The following COL4A6 variants were observed in gnomAD, a reference collection of about 807,000 sequenced individuals.
COL4A6 encodes collagen alpha-6(IV) chain.
Under a neutral mutation model 126.7 loss-of-function variants are expected in COL4A6, and 59 were observed. That is an observed-to-expected ratio of 0.47 (90% confidence interval 0.38 to 0.58). The LOEUF is 0.58. Among genes scored for constraint, COL4A6 ranks in the 20% least tolerant of loss-of-function variants. The probability of loss-of-function intolerance (pLI) is 0.00; values close to 1 mark genes in which losing one functional copy is unlikely to be tolerated. For synonymous variants in COL4A6, 547 were observed against 496.6 expected, an observed-to-expected ratio of 1.10 and a Z score of -1.35; for missense variants, 1,285 against 1,337.3, an observed-to-expected ratio of 0.96 and a Z score of 0.61.
intron 3 of COL4A6, among the ~76,000 whole-genome samples, chrX:108,266,000 C>T (rs1354530652): frequency 1.8e-5 from 2 of 111,583 alleles, no homozygotes; most frequent in Non-Finnish European, 3.8e-5. Context: ...ACTATAGAGG[C>T]AAAGGTGAGC....
At position 108,193,440 on chromosome X, in the gene COL4A6, C is replaced by T. The variant is rs756819032; in HGVS notation, c.1072+188G>A. Among the ~76,000 whole-genome samples, 6 of 111,463 alleles carry T rather than the reference C, an allele frequency of 5.4e-5. No individual in the cohort carries two copies. The Admixed American group carries it at 5.7e-4, about 11-fold the overall frequency. The stretch of plus-strand genomic sequence containing the variant: ...CTGAACACAAAAATGGGGTGCTGGG[C>T]TTGGCTTCCCTGACCAAGAGATTGG... On this transcript the variant is annotated intron_variant, in intron 17 of 44. Transcript: ENST00000334504.
chrX:108,158,612 C>A (rs1433230851), intron 44 of COL4A6, among the ~76,000 whole-genome samples: 1 of 112,005 alleles, frequency 8.9e-6, no homozygotes, highest in Non-Finnish European at 1.9e-5. Context: ...ATAAACTATC[C>A]AATGTCCAAA....
At chrX:108,204,072 C>T (rs889413282) in intron 12 of COL4A6, among the ~76,000 whole-genome samples, 3 of 111,043 alleles carry the variant, frequency 2.7e-5, no homozygotes, top group Admixed American at 9.5e-5. Flanking sequence ...GAGAAAATAG[C>T]GCTTAAATGA....
At chrX:108,275,520 T>C (rs896825449) in intron 3 of COL4A6, among the ~76,000 whole-genome samples, 4 of 112,631 alleles carry the variant, frequency 3.6e-5, no homozygotes, top group African/African-American at 1.3e-4. Context: ...AGCCATGAGG[T>C]GTTTCCTCTT....
At chrX:108,178,886 T>C (rs776444804) in intron 26 of COL4A6, 41 bp from the exon 27 acceptor site, 8 of 1,165,471 alleles carry the variant, frequency 6.9e-6, no homozygotes, top group South Asian at 3.9e-5. Flanking sequence ...CCTGGAGAGA[T>C]AGCAGTGAGT....
intron 2 of COL4A6, among the ~76,000 whole-genome samples, chrX:108,338,886 C>G (rs1195675879): frequency 9.0e-6 from 1 of 111,486 alleles, no homozygotes; most frequent in Non-Finnish European, 1.9e-5. Context: ...AGGGAGTGGG[C>G]AGGAGAGATG....
At chrX:108,356,362 T>G in intron 2 of COL4A6, among the ~76,000 whole-genome samples, 1 of 111,004 alleles carries the variant, frequency 9.0e-6, no homozygotes. Context: ...AAAGAAAGTC[T>G]TTATCTGTCT....
chrX:108,346,302 A>G (rs1459175677), intron 2 of COL4A6, among the ~76,000 whole-genome samples: 1 of 111,689 alleles, frequency 9.0e-6, no homozygotes, highest in Non-Finnish European at 1.9e-5. Flanking sequence ...CCCTTTTACT[A>G]AGAAGGAAAC....
intron 27 of COL4A6, among the ~76,000 whole-genome samples, chrX:108,177,377 A>T (rs2034531279): frequency 8.9e-6 from 1 of 112,258 alleles, no homozygotes; most frequent in Admixed American, 9.4e-5. Flanking sequence ...TGGTACTTCC[A>T]GTCTGAATCA....
At position 108,178,569 on chromosome X, in the gene COL4A6, AG is replaced by A. The variant is rs1384579762; in HGVS notation, c.2515+114del. On this transcript the variant is annotated intron_variant, in intron 27 of 44. Transcript: ENST00000334504. ...GAAACTTGAGAGCTTAGGAAAGTCA[AG>A]TCTCATTCTAAATTCTGACCATGTC... 7 of 749,083 alleles carry A rather than the reference AG, an allele frequency of 9.3e-6. No homozygotes were observed. The African/African-American group carries it at 1.1e-4, about 11-fold the overall frequency. 61.7% of individuals were successfully genotyped at this position (749,083 alleles called of 1,213,427 possible). A position where few individuals can be genotyped will look rare whatever the true frequency, so the allele number is the denominator to read the frequency against.
intron 8 of COL4A6, 132 bp from the exon 9 acceptor site, chrX:108,206,712 T>C (rs1333635322): frequency 1.8e-6 from 1 of 569,711 alleles, no homozygotes; most frequent in East Asian, 3.3e-5. Flanking sequence ...AAATTGGAAA[T>C]GTTCCAGTTG....
chrX:108,366,657 T>G (rs981854269), intron 2 of COL4A6, among the ~76,000 whole-genome samples: 5 of 112,053 alleles, frequency 4.5e-5, no homozygotes, highest in Admixed American at 9.5e-5. Context: ...GAAAATTAAA[T>G]GGAACCAGTT....
In COL4A6 at chrX:108,169,973, C is replaced by T. The variant is rs144803723; in HGVS notation, c.3537G>A (p.Pro1179=). ...GAGTGCCATGGGTACCCTTGGTGCC[C>T]GGAAGCCCATTCAGTCCATGTAAAC... The part of the protein sequence containing the change: ...FPGLHGLNGL[P]GTKGTHGTPG... The change falls in exon 36 of 45, where the codon CCG becomes CCA. Residue 1179 remains proline (P), a synonymous_variant. Coordinates refer to ENST00000334504, the MANE Select transcript of COL4A6 (RefSeq NM_033641.4). The T allele has an allele frequency of 3.2e-4, 386 of 1,188,987 alleles. No individual in the cohort carries two copies. The African/African-American group carries it at 4.3e-3, about 13-fold the overall frequency.
intron 2 of COL4A6, among the ~76,000 whole-genome samples, chrX:108,381,268 C>T (rs971821471): frequency 1.1e-4 from 12 of 111,599 alleles, no homozygotes; most frequent in Non-Finnish European, 2.1e-4. Flanking sequence ...TGGATGGGCA[C>T]TGAGTTCTAC....
chrX:108,192,789 G>A (rs1036489452), intron 17 of COL4A6, among the ~76,000 whole-genome samples: 1 of 112,605 alleles, frequency 8.9e-6, no homozygotes, highest in African/African-American at 3.2e-5. Flanking sequence ...ACTAAGAATT[G>A]TTCTGGCCAA....
chrX:108,221,433 A>T, intron 3 of COL4A6, 59 bp from the exon 4 acceptor site: 1 of 1,132,694 alleles, frequency 8.8e-7, no homozygotes, highest in African/African-American at 1.8e-5. Flanking sequence ...AATACTTCTC[A>T]TTTTCCCACG....
At chrX:108,334,165 A>G (rs1157350200) in intron 2 of COL4A6, among the ~76,000 whole-genome samples, 8 of 111,999 alleles carry the variant, frequency 7.1e-5, no homozygotes, top group Admixed American at 3.8e-4. Context: ...AAGTCTCCTG[A>G]TTTAAATGTT....
chrX:108,242,732 C>A (rs930864694), intron 3 of COL4A6, among the ~76,000 whole-genome samples: 1 of 110,903 alleles, frequency 9.0e-6, no homozygotes, highest in African/African-American at 3.3e-5. Flanking sequence ...CACTCCCTGG[C>A]AGTTACCTAG....
chrX:108,204,552 C>G (rs763251144), intron 11 of COL4A6, 140 bp from the exon 12 acceptor site: 1 of 571,160 alleles, frequency 1.8e-6, no homozygotes, highest in South Asian at 2.3e-5. Flanking sequence ...AATGAGGAAA[C>G]AAAACTCTCA....
Sources: allele counts gnomAD v4.1 joint callset (sites outside exome capture counted in the v4.1 genomes callset), GRCh38; gene constraint gnomAD v4.1.1; transcripts MANE v1.5; gene names NCBI Gene and HGNC (gene_info 2026-07-23, HGNC 2026-07-21).